The following CCL3L3 variants were observed in gnomAD, a reference collection of about 807,000 sequenced individuals.
The protein encoded by CCL3L3 is C-C motif chemokine 3-like 1.
In CCL3L3, 6 loss-of-function variants were observed where a neutral mutation model predicts 9.0. The ratio of observed to expected loss-of-function variants is 0.67; its 90% CI spans 0.37 to 1.32. The LOEUF (loss-of-function observed/expected upper bound fraction) is 1.32. Ranked by LOEUF, CCL3L3 falls within the 40% of genes most tolerant of loss-of-function variation. CCL3L3 has a pLI of 0.02. For missense variants in CCL3L3, 93 were observed against 117.0 expected (o/e 0.79, Z 0.95); for synonymous variants, 38 against 45.7 (o/e 0.83, Z 0.68).
In CCL3L3 at chr17:36,194,987, C is replaced by T. The variant is rs1350316996; in HGVS notation, c.*299G>A. 1.7e-4 allele frequency: 64 copies of T among 382,084 alleles called. 1 individual carries two copies. Among genetic ancestry groups the T allele is most frequent in the Non-Finnish European group, 2.2e-4 (44 of 198,626 alleles). The allele number at this position is 382,084 out of a possible 1,614,324, so 23.7% of individuals were successfully genotyped here. Reference sequence around the variant, plus strand: ...TGGTGCCATGACTGCCTACACAGGCCGATGACAGCCACTCGGTTGTCACCA... The same window carrying T: ...TGGTGCCATGACTGCCTACACAGGCTGATGACAGCCACTCGGTTGTCACCA... On this transcript the variant is annotated 3_prime_UTR_variant, in exon 3 of 3. Coordinates refer to ENST00000619989, the MANE Select transcript of CCL3L3 (RefSeq NM_001001437.4).
chr17:36,196,291 A>C (rs2142208858), intron 1 of CCL3L3: 2 of 650,184 alleles, frequency 3.1e-6, no homozygotes, highest in East Asian at 5.5e-5. Flanking sequence ...AACAGACCCC[A>C]CTGGGAAGTA....
chr17:36,196,475 G>A (rs2142209092), intron 1 of CCL3L3, 123 bp downstream of exon 1: 4 of 1,221,194 alleles, frequency 3.3e-6, no homozygotes, highest in Non-Finnish European at 4.8e-6. Flanking sequence ...AGACCAAGGT[G>A]TTTGGCAGCG....
In CCL3L3 at chr17:36,195,681, G is replaced by C. The variant is rs1226107763; in HGVS notation, c.191+117C>G. On this transcript the variant is annotated intron_variant, in intron 2 of 2. Transcript: ENST00000619989. ...GTCACACCTCAGTGCCCTGCGTCCT[G>C]TATCCCCGATAGGCTCCTGAAGGCT... is the stretch of plus-strand genomic sequence containing the variant. 54 of 1,361,200 alleles carry C rather than the reference G, an allele frequency of 4.0e-5. No homozygotes were observed. The African/African-American group carries it at 6.8e-4, about 17-fold the overall frequency. The allele number at this position is 1,361,200 out of a possible 1,614,324, so 84.3% of individuals were successfully genotyped here. A position where few individuals can be genotyped will look rare whatever the true frequency, so the allele number is the denominator to read the frequency against.
chr17:36,195,915 G>A lies in CCL3L3; in HGVS notation c.77-3C>T. 3 of 1,582,964 alleles carry A rather than the reference G, an allele frequency of 1.9e-6. No homozygotes were observed. Among genetic ancestry groups the A allele is most frequent in the Non-Finnish European group, 2.6e-6 (3 of 1,157,640 alleles). ...GGCGGTCGGCGTGTCAGCAGCAACT[G>A]CGGAGAAAGGAGAGAATAAGCCCGA... On this transcript the variant is annotated splice_region_variant and splice_polypyrimidine_tract_variant and intron_variant, in intron 1 of 2. Transcript: ENST00000619989.
At position 36,196,722 on chromosome 17, in the gene CCL3L3, G is replaced by C; in HGVS notation, c.-49C>G. On this transcript the variant is annotated 5_prime_UTR_variant, in exon 1 of 3. Coordinates refer to ENST00000619989, the MANE Select transcript of CCL3L3 (RefSeq NM_001001437.4). ...TGGGCTCGAGTGTCAGCAGAGCCAA[G>C]AAGGGACTGACTACTCTTTGCTGCC... is the stretch of plus-strand genomic sequence containing the variant. 1 of 1,549,048 alleles carries C rather than the reference G, an allele frequency of 6.5e-7. No individual in the cohort carries two copies. The highest frequency in any genetic ancestry group is 1.1e-5 in the South Asian group (1 of 87,760).
chr17:36,196,107 C>T (rs1242029974), intron 1 of CCL3L3, 195 bp from the exon 2 acceptor site: 2 of 681,914 alleles, frequency 2.9e-6, no homozygotes, highest in Non-Finnish European at 5.2e-6. Flanking sequence ...ATAGTGGGTT[C>T]TCTGTTTCTC....
chr17:36,196,194 C>A, intron 1 of CCL3L3: 2 of 632,014 alleles, frequency 3.2e-6, no homozygotes, highest in Non-Finnish European at 5.8e-6. Context: ...AAGTCATACC[C>A]CAGCCCAAGA....
intron 1 of CCL3L3, 161 bp downstream of exon 1, chr17:36,196,437 G>A (rs1478293063): frequency 2.1e-6 from 2 of 947,328 alleles, no homozygotes; most frequent in Non-Finnish European, 3.4e-6. Flanking sequence ...ACCCCTTCTA[G>A]AGATAAAAAT....
chr17:36,196,408 G>T, intron 1 of CCL3L3, 190 bp downstream of exon 1: 2 of 783,270 alleles, frequency 2.6e-6, no homozygotes, highest in Non-Finnish European at 4.5e-6. Context: ...TCTCATACCT[G>T]GAGACTAGGA....
Position 36,196,057 on chromosome 17 carries a change from C to G in CCL3L3, c.77-145G>C, listed in dbSNP as rs1483371474. 11 of 958,660 alleles carry G rather than the reference C, an allele frequency of 1.1e-5. No individual in the cohort carries two copies. The African/African-American group carries it at 1.4e-4, about 12-fold the overall frequency. The allele number at this position is 958,660 out of a possible 1,614,324, so 59.4% of individuals were successfully genotyped here. ...TGGGGGGTTTTGCAGAGAAATGTCTCTTTGTTTCTGTCTATATTCCTCTTT... is the reference window on the plus strand; with the variant it reads ...TGGGGGGTTTTGCAGAGAAATGTCTGTTTGTTTCTGTCTATATTCCTCTTT... On this transcript the variant is annotated intron_variant, in intron 1 of 2. Transcript: ENST00000619989.
At chr17:36,196,053 GTCTC>G (rs1297203388) in intron 1 of CCL3L3, 141 bp from the exon 2 acceptor site, 1 of 987,926 alleles carries the variant, frequency 1.0e-6, no homozygotes, top group Non-Finnish European at 1.6e-6. Context: ...GCAGAGAAAT[GTCTC>G]TTTGTTTCTG....
intron 1 of CCL3L3, 122 bp from the exon 2 acceptor site, chr17:36,196,034 G>A: frequency 9.0e-7 from 1 of 1,116,612 alleles, no homozygotes; most frequent in Non-Finnish European, 1.3e-6. Flanking sequence ...AAGGCATTTG[G>A]GGGGTTTTGC....
At chr17:36,195,675 C>T (rs1179852969) in intron 2 of CCL3L3, 123 bp downstream of exon 2, 6 of 1,323,504 alleles carry the variant, frequency 4.5e-6, no homozygotes, top group African/African-American at 4.1e-5. Flanking sequence ...CAGTGCCCTG[C>T]GTCCTGTATC....
chr17:36,195,300 C>G lies in CCL3L3; in HGVS notation c.268G>C (p.Glu90Gln), dbSNP rs1329995808. 1.9e-5 allele frequency: 30 copies of G among 1,582,212 alleles called. 3 individuals are homozygous for G. Among genetic ancestry groups the G allele is most frequent in the Non-Finnish European group, 2.0e-5 (23 of 1,157,496 alleles). Residue 90 changes from glutamate to glutamine, a missense_variant, in exon 3 of 3, where the codon GAG becomes CAG. Glu to Gln is a conservative substitution (Grantham distance 29). Coordinates refer to ENST00000619989, the MANE Select transcript of CCL3L3 (RefSeq NM_001001437.4). ...EWVQKYVSDL[E>Q]LSA is the part of the protein sequence containing the mutation. The stretch of plus-strand genomic sequence containing the variant: ...TTCTGGACCCCTCAGGCACTCAGCT[C>G]CAGGTCACTGACGTATTTCTGGACC...
Position 36,196,591 on chromosome 17 carries a change from G to C in CCL3L3, c.76+7C>G. ...TGGTGATACCCACAACAACAACATG[G>C]ACTCACGTGGTGCAGAGAGGACCTG... On this transcript the variant is annotated splice_region_variant and intron_variant, in intron 1 of 2. Transcript: ENST00000619989. The C allele has an allele frequency of 6.3e-7, 1 of 1,581,016 alleles. No homozygotes were observed. The highest frequency in any genetic ancestry group is 2.2e-5 in the East Asian group (1 of 44,608).
At chr17:36,196,006 C>T (rs2068617337) in intron 1 of CCL3L3, 94 bp from the exon 2 acceptor site, 4 of 1,287,380 alleles carry the variant, frequency 3.1e-6, no homozygotes, top group Non-Finnish European at 4.2e-6. Context: ...GGCAGGCTTG[C>T]TCAGACCAAG....
intron 2 of CCL3L3, 56 bp downstream of exon 2, chr17:36,195,742 C>A: frequency 6.4e-7 from 1 of 1,558,922 alleles, no homozygotes; most frequent in Non-Finnish European, 8.8e-7. Context: ...CCTGTTTCTG[C>A]CCCCACCCTG....
At chr17:36,196,396 A>C in intron 1 of CCL3L3, 1 of 761,118 alleles carries the variant, frequency 1.3e-6, no homozygotes, top group Non-Finnish European at 2.3e-6. Context: ...CCCTGCCTAG[A>C]TTCTCATACC....
Position 36,196,719 on chromosome 17 carries a change from C to G in CCL3L3, c.-46G>C. 1 of 1,552,852 alleles carries G rather than the reference C, an allele frequency of 6.4e-7. No homozygotes were observed. The highest frequency in any genetic ancestry group is 8.8e-7 in the Non-Finnish European group (1 of 1,131,950). On this transcript the variant is annotated 5_prime_UTR_variant, in exon 1 of 3. Coordinates refer to ENST00000619989, the MANE Select transcript of CCL3L3 (RefSeq NM_001001437.4). ...ATGTGGGCTCGAGTGTCAGCAGAGC[C>G]AAGAAGGGACTGACTACTCTTTGCT...
Sources: allele counts gnomAD v4.1 joint callset, GRCh38; gene constraint gnomAD v4.1.1; transcripts MANE v1.5; gene names NCBI Gene and HGNC (gene_info 2026-07-23, HGNC 2026-07-21).